Variants in ZC3HAV1L observed in about 807,000 individuals in gnomAD.
ZC3HAV1L encodes ZC3HAV1 like.
In ZC3HAV1L, 23 loss-of-function variants were observed where a neutral mutation model predicts 28.2. The observed-to-expected ratio is 0.82, with a 90% CI of 0.59 to 1.16. The LOEUF (loss-of-function observed/expected upper bound fraction) is 1.16. ZC3HAV1L is among the 50% of genes most tolerant of loss of function. The pLI is 0.00. For synonymous variants in ZC3HAV1L, 180 were observed against 163.4 expected (o/e 1.10, Z -0.78); for missense variants, 376 against 387.7 (o/e 0.97, Z 0.25).
intron 1 of ZC3HAV1L, chr7:139,035,394 G>C (rs963374935): frequency 1.0e-6 from 1 of 982,174 alleles, no homozygotes; most frequent in Non-Finnish European, 1.2e-6. Flanking sequence ...CGCAGGATCC[G>C]GGGGGGCGGG....
In ZC3HAV1L at chr7:139,030,558, G is replaced by A. The variant is rs635770; in HGVS notation, c.502-1598C>T. 4.6e-3 allele frequency among the ~76,000 whole-genome samples: 701 copies of A among 151,014 alleles called. 2 individuals are homozygous for A. The highest frequency in any genetic ancestry group is 7.6e-3 in the Non-Finnish European group (517 of 67,892). On this transcript the variant is annotated intron_variant, in intron 2 of 4. Coordinates refer to ENST00000275766, the MANE Select transcript of ZC3HAV1L (RefSeq NM_080660.4). ...TCAAAAATAAATAAGGCCCGGTGTG[G>A]TGGCTCACACCTGTAATCCTAGCAC...
chr7:139,030,633 C>A (rs1261725963), intron 2 of ZC3HAV1L, among the ~76,000 whole-genome samples: 1 of 151,708 alleles, frequency 6.6e-6, no homozygotes, highest in Non-Finnish European at 1.5e-5. Context: ...TCAAGACCAG[C>A]CTGGCCAATA....
chr7:139,035,800 C>CCCACCGCGCCGG lies in ZC3HAV1L; in HGVS notation c.206_217dup (p.Ala69_Val72dup), dbSNP rs1815694073. 1 of 1,488,074 alleles carries CCCACCGCGCCGG rather than the reference C, an allele frequency of 6.7e-7. No individual in the cohort carries two copies. Among genetic ancestry groups the CCCACCGCGCCGG allele is most frequent in the East Asian group, 2.8e-5 (1 of 35,750 alleles). The allele number at this position is 1,488,074 out of a possible 1,614,324, so 92.2% of individuals were successfully genotyped here. On this transcript the variant is annotated inframe_insertion, in exon 1 of 5. Coordinates refer to ENST00000275766, the MANE Select transcript of ZC3HAV1L (RefSeq NM_080660.4). ...CCTCCAGGCGGAGGTGCCGCCACCG[C>CCCACCGCGCCGG]CCACCGCGCCGGCCGCCGCCTCGGC...
At chr7:139,024,783 T>A (rs1275867618), downstream of ZC3HAV1L, among the ~76,000 whole-genome samples, 1 of 151,552 alleles carries the variant, frequency 6.6e-6, no homozygotes, top group Admixed American at 6.6e-5. Context: ...TATTACATTG[T>A]CTCTGTTTCT....
chr7:139,028,554 C>A, intron 3 of ZC3HAV1L, 148 bp downstream of exon 3: 1 of 1,102,588 alleles, frequency 9.1e-7, no homozygotes, highest in Non-Finnish European at 1.3e-6. Context: ...GTTGCCTGTT[C>A]TAAACTTTCC....
At position 139,026,012 on chromosome 7, in the gene ZC3HAV1L, G is replaced by A. The variant is rs948580518; in HGVS notation, c.*532C>T. On this transcript the variant is annotated 3_prime_UTR_variant, in exon 5 of 5. Transcript: ENST00000275766. Reference sequence around the variant, plus strand: ...AATTAGCTGGTCGTGGTGCATACCTGTAGTCCCAGCTACTCAGGAGGCTGA... The same window carrying A: ...AATTAGCTGGTCGTGGTGCATACCTATAGTCCCAGCTACTCAGGAGGCTGA... The A allele has an allele frequency of 1.3e-5, 2 of 152,422 alleles. No individual in the cohort carries two copies. The highest frequency in any genetic ancestry group is 4.8e-5 in the African/African-American group (2 of 41,270). 9.4% of individuals were successfully genotyped at this position (152,422 alleles called of 1,614,324 possible). A position where few individuals can be genotyped will look rare whatever the true frequency, so the allele number is the denominator to read the frequency against.
chr7:139,033,676 A>C (rs1032933509), intron 2 of ZC3HAV1L: 1 of 969,222 alleles, frequency 1.0e-6, no homozygotes, highest in African/African-American at 1.8e-5. Flanking sequence ...CCCAAGATAC[A>C]TCCTAAAAAA....
In ZC3HAV1L at chr7:139,026,325, T is replaced by C. The variant is rs1815351534; in HGVS notation, c.*219A>G. Reference sequence around the variant, plus strand: ...ACAATATAAATTGATAGAAAAACAATGGTGGACCACAGAAGTCAGCAGAGC... The same window carrying C: ...ACAATATAAATTGATAGAAAAACAACGGTGGACCACAGAAGTCAGCAGAGC... On this transcript the variant is annotated 3_prime_UTR_variant, in exon 5 of 5. Transcript: ENST00000275766. 1.7e-6 allele frequency: 1 copy of C among 579,216 alleles called. No individual in the cohort carries two copies. The highest frequency in any genetic ancestry group is 3.0e-5 in the East Asian group (1 of 33,214). The allele number at this position is 579,216 out of a possible 1,614,324, so 35.9% of individuals were successfully genotyped here.
Position 139,026,785 on chromosome 7 carries a change from C to G in ZC3HAV1L, c.809G>C (p.Gly270Ala). The G allele has an allele frequency of 1.2e-6, 2 of 1,614,120 alleles. No individual in the cohort carries two copies. The highest frequency in any genetic ancestry group is 1.7e-6 in the Non-Finnish European group (2 of 1,180,012). ...TEHSQGLEKQ[G>A]VHAAGAAEAG... is the part of the protein sequence containing the mutation. Reference sequence around the variant, plus strand: ...TTCTGCAGCTCCAGCTGCGTGCACTCCTTGCTTCTCAAGGCCTTGTGAATG... The same window carrying G: ...TTCTGCAGCTCCAGCTGCGTGCACTGCTTGCTTCTCAAGGCCTTGTGAATG... The change falls in exon 4 of 5, where the codon GGA becomes GCA. Residue 270 changes from glycine (G) to alanine (A), a missense_variant. By Grantham distance (60) the Gly-to-Ala change is moderately conservative (BLOSUM62 0). Transcript: ENST00000275766.
chr7:139,026,787 T>G lies in ZC3HAV1L; in HGVS notation c.807A>C (p.Gln269His). The change falls in exon 4 of 5, where the codon CAA becomes CAC. Residue 269 changes from glutamine (Q) to histidine (H), a missense_variant. Transcript: ENST00000275766. ...CTGCAGCTCCAGCTGCGTGCACTCCTTGCTTCTCAAGGCCTTGTGAATGCT... is the reference window on the plus strand; with the variant it reads ...CTGCAGCTCCAGCTGCGTGCACTCCGTGCTTCTCAAGGCCTTGTGAATGCT... ...STEHSQGLEK[Q>H]GVHAAGAAEA... The G allele has an allele frequency of 6.2e-7, 1 of 1,614,150 alleles. No homozygotes were observed. The highest frequency in any genetic ancestry group is 1.3e-5 in the African/African-American group (1 of 75,038).
At chr7:139,029,995 A>C (rs1432764674) in intron 2 of ZC3HAV1L, among the ~76,000 whole-genome samples, 2 of 152,160 alleles carry the variant, frequency 1.3e-5, no homozygotes, top group Non-Finnish European at 2.9e-5. Flanking sequence ...CGCTCACACA[A>C]AGATGACATT....
intron 2 of ZC3HAV1L, among the ~76,000 whole-genome samples, chr7:139,031,983 G>A (rs767115294): frequency 9.9e-5 from 15 of 152,190 alleles, no homozygotes; most frequent in African/African-American, 2.9e-4. Context: ...GCTGAAGTGC[G>A]AGGATTGCTT....
chr7:139,035,526 G>A (rs1815680617), intron 1 of ZC3HAV1L, 127 bp downstream of exon 1: 2 of 1,312,032 alleles, frequency 1.5e-6, no homozygotes, highest in Non-Finnish European at 9.7e-7. Context: ...TGCGGGAGGG[G>A]GTCGTCCAGC....
chr7:139,026,459 G>C lies in ZC3HAV1L; in HGVS notation c.*85C>G. On this transcript the variant is annotated 3_prime_UTR_variant, in exon 5 of 5. Coordinates refer to ENST00000275766, the MANE Select transcript of ZC3HAV1L (RefSeq NM_080660.4). ...CTGCACTCAATTTTAGCCTCTCTTT[G>C]CCTGTTCAATGTCCCACCCCATCCC... is the stretch of plus-strand genomic sequence containing the variant. 6.3e-7 allele frequency: 1 copy of C among 1,579,276 alleles called. No homozygotes were observed. The highest frequency in any genetic ancestry group is 8.6e-7 in the Non-Finnish European group (1 of 1,165,868).
At chr7:139,023,819 AGAT>A (rs1180172220), downstream of ZC3HAV1L, among the ~76,000 whole-genome samples, 1 of 152,228 alleles carries the variant, frequency 6.6e-6, no homozygotes, top group African/African-American at 2.4e-5. Context: ...ATATGCAGGA[AGAT>A]GATGAGGGTT....
downstream of ZC3HAV1L, among the ~76,000 whole-genome samples, chr7:139,023,649 G>T (rs1357040080): frequency 6.6e-6 from 1 of 152,226 alleles, no homozygotes; most frequent in Non-Finnish European, 1.5e-5. Context: ...GAAGGCAGGA[G>T]AAGTGAAGAG....
At chr7:139,033,034 G>A (rs1815582172) in intron 2 of ZC3HAV1L, among the ~76,000 whole-genome samples, 1 of 151,970 alleles carries the variant, frequency 6.6e-6, no homozygotes, top group African/African-American at 2.4e-5. Context: ...ATGGTGAAAC[G>A]CTATCTCTAC....
At chr7:139,023,409 G>C, downstream of ZC3HAV1L, among the ~76,000 whole-genome samples, 1 of 152,110 alleles carries the variant, frequency 6.6e-6, no homozygotes, top group Non-Finnish European at 1.5e-5. Flanking sequence ...ATTCCCACGT[G>C]GATACAAGAG....
intron 1 of ZC3HAV1L, 136 bp from the exon 2 acceptor site, chr7:139,034,814 C>T: frequency 1.4e-6 from 2 of 1,429,900 alleles, no homozygotes; most frequent in East Asian, 4.9e-5. Flanking sequence ...GATAGTATGG[C>T]CTAATAAGCA....
Sources: gnomAD v4.1 joint callset for allele counts (sites outside exome capture counted in the v4.1 genomes callset) on GRCh38, gnomAD v4.1.1 for gene constraint, MANE v1.5 for transcripts, NCBI Gene and HGNC (gene_info 2026-07-23, HGNC 2026-07-21) for gene names.